The following INTS4 variants were observed in gnomAD, a reference collection of about 807,000 sequenced individuals.
INTS4 encodes MSTP093.
In INTS4, 70 loss-of-function variants were observed where a neutral mutation model predicts 119.5. The ratio of observed to expected loss-of-function variants is 0.59; its 90% CI spans 0.48 to 0.71. The LOEUF is 0.71. INTS4 is among the 30% of genes least tolerant of loss of function. INTS4 has a pLI of 0.00. For missense variants in INTS4, 867 were observed against 1,173.2 expected (o/e 0.74, Z 3.81); for synonymous variants, 316 against 419.6 (o/e 0.75, Z 3.02).
At chr11:77,876,946 C>G (rs932019907), downstream of INTS4, 1 of 703,050 alleles carries the variant, frequency 1.4e-6, no homozygotes, top group East Asian at 2.7e-5. Flanking sequence ...ATGTTTTTGT[C>G]TAGGCTCCAA....
intron 2 of INTS4, among the ~76,000 whole-genome samples, chr11:77,985,601 T>C (rs928804101): frequency 6.6e-6 from 1 of 152,228 alleles, no homozygotes; most frequent in African/African-American, 2.4e-5. Flanking sequence ...AAACACTGTA[T>C]TGTTATTAAT....
At chr11:77,941,767 A>C (rs1365330304) in intron 8 of INTS4, among the ~76,000 whole-genome samples, 3 of 152,128 alleles carry the variant, frequency 2.0e-5, no homozygotes, top group African/African-American at 4.8e-5. Flanking sequence ...CGGCCTCCCA[A>C]AGTGCTGGGA....
chr11:77,886,766 G>A (rs989036519), intron 21 of INTS4, among the ~76,000 whole-genome samples: 1 of 152,054 alleles, frequency 6.6e-6, no homozygotes, highest in Admixed American at 6.6e-5. Context: ...AGGGGGCGGG[G>A]CAGGGTCCGC....
downstream of INTS4, among the ~76,000 whole-genome samples, chr11:77,878,134 G>A (rs1362114336): frequency 3.9e-5 from 6 of 152,096 alleles, no homozygotes; most frequent in African/African-American, 7.2e-5. Context: ...AGGCCAAGGT[G>A]GGCAGATCAC....
At chr11:77,960,171 A>G (rs72939500) in intron 6 of INTS4, among the ~76,000 whole-genome samples, 170 bp downstream of exon 6, 28,317 of 151,856 alleles carry the variant, frequency 0.19, 2,721 homozygotes, top group Middle Eastern at 0.23. Context: ...CATAACCTCC[A>G]TTCTCTTCCT....
At chr11:77,910,320 G>A (rs12802668) in intron 15 of INTS4, among the ~76,000 whole-genome samples, 88,571 of 150,366 alleles carry the variant, frequency 0.59, 26,371 homozygotes, top group African/African-American at 0.65. Context: ...GGAAACCATC[G>A]TTCTCAGCAA....
chr11:77,889,487 G>A (rs746888958), intron 21 of INTS4, among the ~76,000 whole-genome samples: 43 of 152,052 alleles, frequency 2.8e-4, no homozygotes, highest in Non-Finnish European at 5.7e-4. Context: ...CATGGCACAT[G>A]TATACAGATG....
At chr11:77,925,869 T>C (rs1953485952) in intron 11 of INTS4, among the ~76,000 whole-genome samples, 1 of 152,236 alleles carries the variant, frequency 6.6e-6, no homozygotes, top group Admixed American at 6.5e-5. Context: ...TACCTGAAGT[T>C]ATTCTCCCAG....
intron 12 of INTS4, among the ~76,000 whole-genome samples, chr11:77,924,192 C>T (rs1306827638): frequency 6.7e-6 from 1 of 149,656 alleles, no homozygotes; most frequent in African/African-American, 2.5e-5. Flanking sequence ...GTCAGGAGTT[C>T]AAGACCAGCC....
chr11:77,935,651 T>C (rs1468243984), intron 10 of INTS4, among the ~76,000 whole-genome samples: 2 of 151,970 alleles, frequency 1.3e-5, no homozygotes, highest in Non-Finnish European at 2.9e-5. Context: ...ATCCTAAAAC[T>C]CTGGGAGGCC....
chr11:77,984,888 G>T (rs188892734), intron 2 of INTS4, among the ~76,000 whole-genome samples: 3 of 129,984 alleles, frequency 2.3e-5, no homozygotes, highest in Non-Finnish European at 3.2e-5. Flanking sequence ...GGGAAAAAAG[G>T]GGGGGAAAAG....
chr11:77,911,955 C>G (rs1953096902), intron 15 of INTS4, among the ~76,000 whole-genome samples: 2 of 152,124 alleles, frequency 1.3e-5, no homozygotes, highest in Non-Finnish European at 2.9e-5. Flanking sequence ...AGCTCTGACT[C>G]CAAAAGTATT....
chr11:77,937,194 G>A (rs1953817837), intron 10 of INTS4, among the ~76,000 whole-genome samples: 2 of 151,572 alleles, frequency 1.3e-5, no homozygotes, highest in Non-Finnish European at 1.5e-5. Context: ...AAAAAAGAGA[G>A]AGAAAGAAAT....
chr11:77,909,654 G>A (rs1298770406), intron 15 of INTS4, among the ~76,000 whole-genome samples: 4 of 152,174 alleles, frequency 2.6e-5, no homozygotes, highest in Non-Finnish European at 5.9e-5. Flanking sequence ...GCCATTATAA[G>A]CTAGCTTGTG....
intron 16 of INTS4, among the ~76,000 whole-genome samples, chr11:77,905,547 T>C (rs151095429): frequency 6.6e-6 from 1 of 152,092 alleles, no homozygotes; most frequent in African/African-American, 2.4e-5. Context: ...AAGTGCATCA[T>C]CACAATACTG....
At chr11:77,910,078 C>T (rs1054612353) in intron 15 of INTS4, among the ~76,000 whole-genome samples, 2 of 152,060 alleles carry the variant, frequency 1.3e-5, no homozygotes, top group African/African-American at 2.4e-5. Flanking sequence ...TTTGACCCAG[C>T]CATCCCATTA....
At position 77,981,451 on chromosome 11, in the gene INTS4, C is replaced by T; in HGVS notation, c.364+8G>A. 7.2e-7 allele frequency: 1 copy of T among 1,391,644 alleles called. No individual in the cohort carries two copies. The highest frequency in any genetic ancestry group is 9.8e-7 in the Non-Finnish European group (1 of 1,016,914). 86.2% of individuals were successfully genotyped at this position (1,391,644 alleles called of 1,614,324 possible). A position where few individuals can be genotyped will look rare whatever the true frequency, so the allele number is the denominator to read the frequency against. Reference sequence around the variant, plus strand: ...CTCTGACTATAGAGCTTTTAAATTGCAACTTACTTTCATTCTGCAGGATGT... The same window carrying T: ...CTCTGACTATAGAGCTTTTAAATTGTAACTTACTTTCATTCTGCAGGATGT... On this transcript the variant is annotated splice_region_variant and intron_variant, in intron 3 of 22. Transcript: ENST00000534064.
At chr11:77,926,797 G>A (rs1375769276) in intron 11 of INTS4, among the ~76,000 whole-genome samples, 46 of 130,190 alleles carry the variant, frequency 3.5e-4, no homozygotes, top group African/African-American at 1.3e-3. Context: ...GGGGAACAGA[G>A]CGAGACTCAG....
chr11:77,981,733 GCTTT>G (rs1856230233), intron 2 of INTS4, among the ~76,000 whole-genome samples, 157 bp from the exon 3 acceptor site: 1 of 136,392 alleles, frequency 7.3e-6, no homozygotes, highest in African/African-American at 2.9e-5. Flanking sequence ...TGGAGAGACA[GCTTT>G]CTTTTATTTA....
Sources: allele counts gnomAD v4.1 joint callset (sites outside exome capture counted in the v4.1 genomes callset), GRCh38; gene constraint gnomAD v4.1.1; transcripts MANE v1.5; gene names NCBI Gene and HGNC (gene_info 2026-07-23, HGNC 2026-07-21).